The following SPATA13 variants were observed in gnomAD, a reference collection of about 807,000 sequenced individuals.
SPATA13 encodes spermatogenesis associated 13, also known as spermatogenesis-associated protein 13.
In SPATA13, 50 loss-of-function variants were observed where a neutral mutation model predicts 104.0. The observed-to-expected ratio is 0.48, with a 90% CI of 0.38 to 0.61. The LOEUF (loss-of-function observed/expected upper bound fraction) is 0.61. SPATA13 is among the 20% of genes least tolerant of loss of function. SPATA13 has a pLI of 0.00. For missense variants in SPATA13, 1,524 were observed against 1,690.6 expected, an observed-to-expected ratio of 0.90 and a Z score of 1.73; for synonymous variants, 606 against 667.5, an observed-to-expected ratio of 0.91 and a Z score of 1.42.
chr13:24,095,940 T>C (rs1282232880), intron 3 of SPATA13, among the ~76,000 whole-genome samples: 1 of 152,214 alleles, frequency 6.6e-6, no homozygotes, highest in Non-Finnish European at 1.5e-5. Context: ...ACCTAGATGT[T>C]GGGGCTAAAT....
rs1211364871 is a variant in SPATA13, at chr13:24,161,487, C to G, written c.-112+555C>G. On this transcript the variant is annotated intron_variant, in intron 1 of 12. Transcript: ENST00000382108. This position sits in a 1 kb window ranked among gnomAD's most constrained non-coding sequence, Gnocchi z 4.5. ...AAAGATTTTGGGACCCGGTGCCCATCGTCTGTGGACTGCAGGGAATGCATT... is the reference window on the plus strand; with the variant it reads ...AAAGATTTTGGGACCCGGTGCCCATGGTCTGTGGACTGCAGGGAATGCATT... Among the ~76,000 whole-genome samples the G allele has an allele frequency of 6.6e-6, 1 of 152,210 alleles. No individual in the cohort carries two copies. The highest frequency in any genetic ancestry group is 1.9e-4 in the East Asian group (1 of 5,194).
At chr13:24,153,425 A>G (rs778115685) in intron 3 of SPATA13, among the ~76,000 whole-genome samples, 21 of 152,230 alleles carry the variant, frequency 1.4e-4, no homozygotes, top group Non-Finnish European at 1.5e-5. Flanking sequence ...TGTCAGGTAG[A>G]CAAGGAATAA....
intron 4 of SPATA13, chr13:24,252,867 G>A (rs1027470149): frequency 2.6e-5 from 4 of 152,366 alleles, no homozygotes; most frequent in Non-Finnish European, 5.9e-5. Context: ...AGGAGCCACC[G>A]GAAGGTGTGT....
At chr13:24,015,308 CAT>C (rs1876660369) in intron 2 of SPATA13, among the ~76,000 whole-genome samples, 1 of 152,192 alleles carries the variant, frequency 6.6e-6, no homozygotes, top group African/African-American at 2.4e-5. Flanking sequence ...AAAATAGACA[CAT>C]GACATTATTT....
rs984289449 is a variant in SPATA13, at chr13:24,297,357, T to C, written c.3211-6T>C. 1 of 1,602,378 alleles carries C rather than the reference T, an allele frequency of 6.2e-7. No individual in the cohort carries two copies. The highest frequency in any genetic ancestry group is 8.5e-7 in the Non-Finnish European group (1 of 1,173,700). ...AAGGTCTTAAGATGTGTTTTCATCC[T>C]TCCAGGGACTGGATATCTTAGACCG... On this transcript the variant is annotated splice_region_variant and splice_polypyrimidine_tract_variant and intron_variant, in intron 10 of 12. Transcript: ENST00000382108.
At chr13:24,172,594 A>G (rs1157001676) in intron 1 of SPATA13, among the ~76,000 whole-genome samples, 5 of 152,202 alleles carry the variant, frequency 3.3e-5, no homozygotes, top group African/African-American at 4.8e-5. Flanking sequence ...TTGCTCTAGC[A>G]CTGTTTGTTG....
chr13:24,262,463 C>T (rs1340784526), intron 4 of SPATA13, among the ~76,000 whole-genome samples: 1 of 152,106 alleles, frequency 6.6e-6, no homozygotes, highest in Non-Finnish European at 1.5e-5. Flanking sequence ...ATTCTTGATT[C>T]ATAGCCTAAG....
chr13:24,304,631 G>A lies in SPATA13; in HGVS notation c.*1858G>A, dbSNP rs775985605. On this transcript the variant is annotated 3_prime_UTR_variant, in exon 13 of 13. Transcript: ENST00000382108. ...CATGCATCAAGAAAACATAACCTTG[G>A]TCCTCAGGTGAACCCTTGGAACATT... 4 of 152,258 alleles carry A rather than the reference G, an allele frequency of 2.6e-5. No homozygotes were observed. The highest frequency in any genetic ancestry group is 5.9e-5 in the Non-Finnish European group (4 of 68,094). 9.4% of individuals were successfully genotyped at this position (152,258 alleles called of 1,614,324 possible).
chr13:24,153,379 A>G (rs377424038), intron 3 of SPATA13, among the ~76,000 whole-genome samples: 3 of 152,114 alleles, frequency 2.0e-5, no homozygotes, highest in African/African-American at 7.2e-5. Context: ...CACTCTTCTC[A>G]CACTCCATTT....
chr13:24,057,229 C>T (rs1322445524), intron 3 of SPATA13, among the ~76,000 whole-genome samples: 3 of 151,524 alleles, frequency 2.0e-5, no homozygotes, highest in African/African-American at 7.3e-5. Context: ...TATCCCTCCC[C>T]CCTCCCCCCA....
intron 3 of SPATA13, among the ~76,000 whole-genome samples, chr13:24,128,093 T>C (rs554819764): frequency 7.5e-4 from 115 of 152,340 alleles, no homozygotes; most frequent in African/African-American, 2.6e-3. Context: ...CTGGATGGAC[T>C]GAGCCTCTGA....
rs1431572872 is a variant in SPATA13 at position 24,223,700 on chromosome 13, T to C, written c.771T>C (p.Asn257=). ...ACAGGAGGAGCAAGAGCACGGACAA[T>C]CTTGCCTTTCTGAAGAAGAGCTCCT... ...MGYRRSKSTD[N]LAFLKKSSFK... The change falls in exon 2 of 13, where the codon AAT becomes AAC. Residue 257 remains asparagine, a synonymous_variant. Coordinates refer to ENST00000382108, the MANE Select transcript of SPATA13 (RefSeq NM_001166271.3). The C allele has an allele frequency of 1.9e-6, 3 of 1,552,168 alleles. No individual in the cohort carries two copies. The South Asian group carries it at 3.6e-5, about 18-fold the overall frequency.
intron 3 of SPATA13, among the ~76,000 whole-genome samples, chr13:24,076,923 G>A (rs1005942059): frequency 6.6e-6 from 1 of 151,900 alleles, no homozygotes; most frequent in Non-Finnish European, 1.5e-5. Context: ...GCAGCAGATC[G>A]GCTCTTCAAC....
At chr13:24,184,393 C>T (rs537167294) in intron 1 of SPATA13, among the ~76,000 whole-genome samples, 2 of 152,348 alleles carry the variant, frequency 1.3e-5, no homozygotes, top group South Asian at 4.1e-4. Flanking sequence ...CGGGTCCCAG[C>T]TGGGCCAAGC....
chr13:23,988,133 C>T (rs564737381), intron 2 of SPATA13, among the ~76,000 whole-genome samples: 16 of 152,082 alleles, frequency 1.1e-4, no homozygotes, highest in Admixed American at 4.6e-4. Flanking sequence ...TTAGTAGAGA[C>T]GGGGTTTCAC....
intron 3 of SPATA13, among the ~76,000 whole-genome samples, chr13:24,141,553 A>C (rs1180728153): frequency 6.6e-6 from 1 of 152,140 alleles, no homozygotes; most frequent in East Asian, 1.9e-4. Context: ...CCTTCTGCAT[A>C]TTCCTCTGTT....
In SPATA13 at chr13:24,005,075, TA is replaced by T. The variant is rs575712057; in HGVS notation, c.-146-12590del. On this transcript the variant is annotated intron_variant, in intron 2 of 14. Coordinates refer to the SPATA13 transcript ENST00000424834. ...ACATTGCTTTCCATTTTAAAAGAGCTAAGAGTTTCTCAAAGTAAGTACTTTT... is the reference window on the plus strand; with the variant it reads ...ACATTGCTTTCCATTTTAAAAGAGCTAGAGTTTCTCAAAGTAAGTACTTTT... Among the ~76,000 whole-genome samples, 11 of 152,354 alleles carry T rather than the reference TA, an allele frequency of 7.2e-5. 1 individual carries two copies. In the South Asian group the frequency reaches 2.3e-3, roughly 32 times the overall value.
chr13:23,985,788 T>C lies in SPATA13; in HGVS notation c.-147+1855T>C, dbSNP rs74039539. ...CACAGGCAACATAAGAATATAAGAC[T>C]GTGTTGAGGGCAACAGCAGGGCAAA... On this transcript the variant is annotated intron_variant, in intron 2 of 14. Transcript: ENST00000424834. 5.7e-3 allele frequency among the ~76,000 whole-genome samples: 873 copies of C among 152,270 alleles called. 13 individuals are homozygous for C. The highest frequency in any genetic ancestry group is 0.02 in the African/African-American group (835 of 41,552).
Position 24,286,446 on chromosome 13 carries a change from TCCTTTCAGGTCAGAACTCG to T in SPATA13, c.2481+59_2481+77del. ...CAAAGTACCTGGGGGAGCTGCAGGATCCTTTCAGGTCAGAACTCGCCTTTTATCAGGTCAGCTCTTTTGT... is the reference window on the plus strand; with the variant it reads ...CAAAGTACCTGGGGGAGCTGCAGGATCCTTTTATCAGGTCAGCTCTTTTGT... On this transcript the variant is annotated intron_variant, in intron 6 of 12. Transcript: ENST00000382108. This position sits in a 1 kb window ranked among gnomAD's most constrained non-coding sequence, Gnocchi z 4.9. 6.4e-7 allele frequency: 1 copy of T among 1,554,008 alleles called. No homozygotes were observed. The highest frequency in any genetic ancestry group is 8.7e-7 in the Non-Finnish European group (1 of 1,145,828).
Sources: allele counts gnomAD v4.1 joint callset (sites outside exome capture counted in the v4.1 genomes callset), GRCh38; gene constraint gnomAD v4.1.1; non-coding constraint Gnocchi (gnomAD v3.1); transcripts MANE v1.5; gene names NCBI Gene and HGNC (gene_info 2026-07-23, HGNC 2026-07-21).